The following HSD17B4 variants were observed in gnomAD, a reference collection of about 807,000 sequenced individuals.
The protein encoded by HSD17B4 is hydroxysteroid 17-beta dehydrogenase 4, also known as peroxisomal multifunctional enzyme type 2.
A neutral mutation model predicts 101.0 loss-of-function variants in HSD17B4; 70 were observed. The observed-to-expected ratio is 0.69, with a 90% CI of 0.57 to 0.85. The LOEUF (loss-of-function observed/expected upper bound fraction) is 0.85, where lower values mean the gene tolerates loss of function less well. Ranked by LOEUF, HSD17B4 falls within the 40% of genes least tolerant of loss-of-function variation. The probability of loss-of-function intolerance (pLI) is 0.00; values close to 1 mark genes in which losing one functional copy is unlikely to be tolerated. For missense variants in HSD17B4, 984 were observed against 892.4 expected, an observed-to-expected ratio of 1.10 and a Z score of -1.31; for synonymous variants, 347 against 297.1, an observed-to-expected ratio of 1.17 and a Z score of -1.73.
At position 119,478,997 on chromosome 5, in the gene HSD17B4, A is replaced by G. The variant is rs1320815482; in HGVS notation, c.598A>G (p.Met200Val). ...CATTGCTCCTAATGCGGGATCACGG[A>G]TGACTCAGACAGTTATGCCTGAAGG... ...NTIAPNAGSR[M>V]TQTVMPEDLV... The change falls in exon 8 of 24, where the codon ATG becomes GTG. Residue 200 changes from methionine (M) to valine (V), a missense_variant. Coordinates refer to ENST00000510025, the MANE Select transcript of HSD17B4 (RefSeq NM_000414.4). The G allele has an allele frequency of 1.2e-6, 2 of 1,613,544 alleles. No homozygotes were observed. Among genetic ancestry groups the G allele is most frequent in the Admixed American group, 1.7e-5 (1 of 59,980 alleles).
intron 17 of HSD17B4, among the ~76,000 whole-genome samples, chr5:119,523,462 A>C (rs1203943563): frequency 1.3e-5 from 2 of 152,170 alleles, no homozygotes; most frequent in African/African-American, 4.8e-5. Context: ...GGTCATTATT[A>C]ATTGAACAAT....
chr5:119,452,894 G>A (rs1393999541), intron 1 of HSD17B4: 28 of 1,520,382 alleles, frequency 1.8e-5, no homozygotes, highest in Non-Finnish European at 2.3e-5. Context: ...GGCCAGGCTG[G>A]GCTGCTGATT....
chr5:119,513,502 G>C (rs1752349867), intron 16 of HSD17B4, among the ~76,000 whole-genome samples: 2 of 152,048 alleles, frequency 1.3e-5, no homozygotes, highest in Admixed American at 1.3e-4. Flanking sequence ...TCCTGCCTCA[G>C]CCTCCCAAGT....
intron 22 of HSD17B4, among the ~76,000 whole-genome samples, chr5:119,532,168 T>C (rs897700352): frequency 1.3e-5 from 2 of 152,168 alleles, no homozygotes; most frequent in Non-Finnish European, 2.9e-5. Flanking sequence ...TTTATTTTCC[T>C]AGAGATTCTT....
At chr5:119,537,231 A>G (rs189246370) in intron 23 of HSD17B4, among the ~76,000 whole-genome samples, 300 of 152,302 alleles carry the variant, frequency 2.0e-3, no homozygotes, top group African/African-American at 6.7e-3. Flanking sequence ...GAGGAAATAT[A>G]TGATTTTCCT....
chr5:119,491,240 C>T lies in HSD17B4; in HGVS notation c.715-860C>T, dbSNP rs114275258. On this transcript the variant is annotated intron_variant, in intron 9 of 23. Coordinates refer to ENST00000510025, the MANE Select transcript of HSD17B4 (RefSeq NM_000414.4). ...ACCACTGCTGATTTGTCTAGTGTAA[C>T]TTTATCAAGGCTGACTGGTTGTATC... 6.1e-3 allele frequency among the ~76,000 whole-genome samples: 927 copies of T among 152,168 alleles called. 9 individuals are homozygous for T. Among genetic ancestry groups the T allele is most frequent in the African/African-American group, 0.021 (859 of 41,534 alleles).
chr5:119,542,150 A>T lies in HSD17B4; in HGVS notation c.*156A>T, dbSNP rs1755051790. The T allele has an allele frequency of 1.6e-6, 1 of 633,750 alleles. No individual in the cohort carries two copies. The highest frequency in any genetic ancestry group is 2.9e-6 in the Non-Finnish European group (1 of 347,188). 39.3% of individuals were successfully genotyped at this position (633,750 alleles called of 1,614,324 possible). ...TAACTGCAGATTTTCATTTTCTACT[A>T]ATTTTTCATGTATCATTATTTTTAC... On this transcript the variant is annotated 3_prime_UTR_variant, in exon 24 of 24. Transcript: ENST00000510025.
chr5:119,490,697 TA>T (rs1274279679), intron 9 of HSD17B4, among the ~76,000 whole-genome samples: 2 of 152,090 alleles, frequency 1.3e-5, no homozygotes, highest in Non-Finnish European at 2.9e-5. Flanking sequence ...GCCTCCTGAG[TA>T]TCTGGGATTA....
At chr5:119,480,243 C>G (rs1748993647) in intron 8 of HSD17B4, among the ~76,000 whole-genome samples, 4 of 151,984 alleles carry the variant, frequency 2.6e-5, no homozygotes, top group African/African-American at 4.8e-5. Flanking sequence ...AGTCCTTTAT[C>G]AGATATATGT....
intron 22 of HSD17B4, among the ~76,000 whole-genome samples, chr5:119,532,617 A>G (rs1341461214): frequency 1.3e-5 from 2 of 152,148 alleles, no homozygotes; most frequent in Non-Finnish European, 2.9e-5. Flanking sequence ...TAACTAACAT[A>G]TTTTATAGTA....
At chr5:119,492,247 C>G (rs1580602359) in intron 10 of HSD17B4, 123 bp downstream of exon 10, 8 of 780,152 alleles carry the variant, frequency 1.0e-5, no homozygotes, top group Non-Finnish European at 1.9e-5. Context: ...CTTGCATATT[C>G]AAACTTAAAC....
chr5:119,456,582 T>A (rs1351116594), intron 2 of HSD17B4: 2 of 560,478 alleles, frequency 3.6e-6, no homozygotes, highest in Admixed American at 3.1e-5. Context: ...TTAACAGAAT[T>A]GATAACGAAG....
chr5:119,462,560 TAA>T (rs1210910343), intron 2 of HSD17B4, among the ~76,000 whole-genome samples: 2 of 152,000 alleles, frequency 1.3e-5, no homozygotes, highest in East Asian at 1.9e-4. Flanking sequence ...CATATCAGTA[TAA>T]GTTATTATTA....
intron 17 of HSD17B4, among the ~76,000 whole-genome samples, chr5:119,523,077 G>A (rs1447300389): frequency 6.6e-6 from 1 of 151,986 alleles, no homozygotes; most frequent in Non-Finnish European, 1.5e-5. Flanking sequence ...AGTGTTCTCT[G>A]TCTTCTAGTT....
intron 9 of HSD17B4, among the ~76,000 whole-genome samples, chr5:119,490,952 A>G (rs974193954): frequency 1.3e-5 from 2 of 152,198 alleles, no homozygotes; most frequent in Non-Finnish European, 2.9e-5. Flanking sequence ...GTTTTCTTTT[A>G]CTATATTGTG....
At chr5:119,539,847 T>C (rs1754836834) in intron 23 of HSD17B4, among the ~76,000 whole-genome samples, 1 of 145,554 alleles carries the variant, frequency 6.9e-6, no homozygotes, top group Admixed American at 7.1e-5. Flanking sequence ...TCCAGCACTT[T>C]GGGAGGCCAA....
At chr5:119,512,563 GA>G (rs552316949) in intron 16 of HSD17B4, among the ~76,000 whole-genome samples, 2,004 of 139,314 alleles carry the variant, frequency 0.014, 17 homozygotes, top group Non-Finnish European at 0.021. Context: ...GTGCTGAAAG[GA>G]AAAAAAAAAA....
At chr5:119,481,869 G>A (rs1749168925) in intron 8 of HSD17B4, among the ~76,000 whole-genome samples, 1 of 152,168 alleles carries the variant, frequency 6.6e-6, no homozygotes, top group South Asian at 2.1e-4. Context: ...CAGAAAGGAA[G>A]TGTGACATAA....
intron 1 of HSD17B4, among the ~76,000 whole-genome samples, chr5:119,455,309 G>A (rs55700001): frequency 0.14 from 21,695 of 152,196 alleles, 1,628 homozygotes; most frequent in African/African-American, 0.16. Context: ...ACGAGGTCAA[G>A]AGATCGAGAC....
Sources: gnomAD v4.1 joint callset for allele counts (sites outside exome capture counted in the v4.1 genomes callset) on GRCh38, gnomAD v4.1.1 for gene constraint, MANE v1.5 for transcripts, NCBI Gene and HGNC (gene_info 2026-07-23, HGNC 2026-07-21) for gene names.